Variants in UBAP2 observed in about 807,000 individuals in gnomAD.
The protein encoded by UBAP2 is ubiquitin-associated protein 2.
Under a neutral mutation model 139.6 loss-of-function variants are expected in UBAP2, and 75 were observed. That is an observed-to-expected ratio of 0.54 (90% CI 0.45 to 0.65). The LOEUF (loss-of-function observed/expected upper bound fraction) is 0.65. Among genes scored for constraint, UBAP2 ranks in the 30% least tolerant of loss-of-function variants. UBAP2 has a pLI of 0.00. For synonymous variants in UBAP2, 526 were observed against 526.2 expected (o/e 1.00, Z 0.01); for missense variants, 1,368 against 1,369.6 (o/e 1.00, Z 0.02).
chr9:34,033,924 C>T (rs1422407872), intron 1 of UBAP2, among the ~76,000 whole-genome samples: 1 of 151,870 alleles, frequency 6.6e-6, no homozygotes, highest in Non-Finnish European at 1.5e-5. Context: ...TTAGTAGAGA[C>T]GGGGTTTCGT....
chr9:34,029,307 A>C (rs1825681782), intron 1 of UBAP2, among the ~76,000 whole-genome samples: 1 of 152,038 alleles, frequency 6.6e-6, no homozygotes, highest in African/African-American at 2.4e-5. Flanking sequence ...AGGGTGGATC[A>C]CCAGAAGGTC....
At chr9:33,979,576 C>CA (rs777093577) in intron 6 of UBAP2, among the ~76,000 whole-genome samples, 21 of 151,104 alleles carry the variant, frequency 1.4e-4, no homozygotes, top group Non-Finnish European at 2.8e-4. Context: ...ATTCCCGTCT[C>CA]AAAAAATAAA....
intron 1 of UBAP2, among the ~76,000 whole-genome samples, chr9:34,047,589 G>A (rs1451214484): frequency 1.3e-5 from 2 of 152,158 alleles, no homozygotes; most frequent in Non-Finnish European, 2.9e-5. Flanking sequence ...AAAAAGTGCT[G>A]TCACAACGGA....
chr9:34,001,987 A>G (rs1437007760), intron 2 of UBAP2, among the ~76,000 whole-genome samples: 1 of 151,450 alleles, frequency 6.6e-6, no homozygotes, highest in Non-Finnish European at 1.5e-5. Flanking sequence ...ACAAAAAAAC[A>G]GGGTTTCACT....
intron 8 of UBAP2, among the ~76,000 whole-genome samples, chr9:33,964,973 T>C (rs1827337191): frequency 6.6e-6 from 1 of 152,236 alleles, no homozygotes. Context: ...GGTAACTCAA[T>C]GTGGCTTTAC....
At chr9:33,974,833 G>A (rs1003820412) in intron 6 of UBAP2, among the ~76,000 whole-genome samples, 8 of 151,630 alleles carry the variant, frequency 5.3e-5, no homozygotes, top group Non-Finnish European at 8.8e-5. Flanking sequence ...CCAGGTACTC[G>A]GGAGGCTGAG....
chr9:34,021,447 T>G (rs952076624), intron 1 of UBAP2, among the ~76,000 whole-genome samples: 2 of 152,176 alleles, frequency 1.3e-5, no homozygotes, highest in African/African-American at 4.8e-5. Flanking sequence ...TTTATAATTT[T>G]GTTGGTTTGG....
intron 12 of UBAP2, among the ~76,000 whole-genome samples, chr9:33,951,135 T>C (rs1826059072): frequency 6.6e-6 from 1 of 151,362 alleles, no homozygotes; most frequent in South Asian, 2.1e-4. Context: ...GCCTCTCAAG[T>C]AGCTGGGATT....
chr9:34,039,234 G>A (rs1487074684), intron 1 of UBAP2, among the ~76,000 whole-genome samples: 2 of 148,554 alleles, frequency 1.3e-5, no homozygotes, highest in Non-Finnish European at 3.0e-5. Flanking sequence ...TGGGGAGTTG[G>A]GGGGCGCCTC....
chr9:34,046,213 C>A (rs1386667193), intron 1 of UBAP2, among the ~76,000 whole-genome samples: 1 of 151,740 alleles, frequency 6.6e-6, no homozygotes, highest in Non-Finnish European at 1.5e-5. Context: ...CAGGCATTAA[C>A]CCTTGCTAAT....
At chr9:33,966,113 G>C (rs1416714510) in intron 8 of UBAP2, among the ~76,000 whole-genome samples, 1 of 151,750 alleles carries the variant, frequency 6.6e-6, no homozygotes, top group African/African-American at 2.4e-5. Context: ...AAATTGTTTA[G>C]GCTACTTTAG....
intron 2 of UBAP2, 21 bp downstream of exon 2, chr9:34,017,029 A>AC: frequency 1.3e-6 from 2 of 1,548,522 alleles, no homozygotes; most frequent in Admixed American, 2.2e-5. Flanking sequence ...AAAAAAAAAA[A>AC]AGAGTTCCAC....
chr9:34,045,523 G>A (rs930968348), intron 1 of UBAP2, among the ~76,000 whole-genome samples: 2 of 151,800 alleles, frequency 1.3e-5, no homozygotes, highest in Non-Finnish European at 2.9e-5. Context: ...ACAGGCACGC[G>A]CCACCACACC....
rs1314486513 is a variant in UBAP2, at chr9:33,943,466, C to T, written c.1669G>A (p.Glu557Lys). 6.2e-7 allele frequency: 1 copy of T among 1,614,080 alleles called. No individual in the cohort carries two copies. The highest frequency in any genetic ancestry group is 8.5e-7 in the Non-Finnish European group (1 of 1,180,050). The change falls in exon 15 of 29, where the codon GAA becomes AAA. Residue 557 changes from glutamate (E) to lysine (K), a missense_variant. Glu to Lys is a moderately conservative substitution (Grantham distance 56). Coordinates refer to ENST00000379238, the MANE Select transcript of UBAP2 (RefSeq NM_001370062.2). The part of the protein sequence containing the change: ...LSEFGSAPSS[E>K]NSNQIPISLY... ...CTGATGGGAATCTGATTACTATTTT[C>T]ACTGCTTGGAGCTGATCCAAATTCA... is the stretch of plus-strand genomic sequence containing the variant.
chr9:34,007,726 C>A (rs1823358204), intron 2 of UBAP2, among the ~76,000 whole-genome samples: 1 of 151,110 alleles, frequency 6.6e-6, no homozygotes, highest in Non-Finnish European at 1.5e-5. Context: ...GCAAGCTCTG[C>A]CTCCCCGATT....
At chr9:34,006,634 A>G (rs1823246684) in intron 2 of UBAP2, among the ~76,000 whole-genome samples, 1 of 152,114 alleles carries the variant, frequency 6.6e-6, no homozygotes, top group Non-Finnish European at 1.5e-5. Context: ...AGTGAGCATG[A>G]CCGTGCCACT....
At chr9:33,942,008 G>C (rs1825260526) in intron 15 of UBAP2, 146 bp from the exon 16 acceptor site, 1 of 631,860 alleles carries the variant, frequency 1.6e-6, no homozygotes, top group East Asian at 2.8e-5. Context: ...CTGAGAGATA[G>C]GGGGACATCT....
intron 22 of UBAP2, 76 bp from the exon 23 acceptor site, chr9:33,924,360 G>T: frequency 7.0e-7 from 1 of 1,418,668 alleles, no homozygotes; most frequent in Non-Finnish European, 9.9e-7. Context: ...GCACATGGAA[G>T]TGGTGACGCC....
intron 1 of UBAP2, among the ~76,000 whole-genome samples, chr9:34,033,977 C>G (rs1826111816): frequency 6.6e-6 from 1 of 152,038 alleles, no homozygotes; most frequent in African/African-American, 2.4e-5. Context: ...CTCAGGTGAT[C>G]CACCTGCCTC....
Sources: gnomAD v4.1 joint callset for allele counts (sites outside exome capture counted in the v4.1 genomes callset) on GRCh38, gnomAD v4.1.1 for gene constraint, MANE v1.5 for transcripts, NCBI Gene and HGNC (gene_info 2026-07-23, HGNC 2026-07-21) for gene names.